PCGF5: variants seen among roughly 807,000 people sequenced by gnomAD.
PCGF5 encodes polycomb group ring finger 5, also known as polycomb group RING finger protein 5.
Under a neutral mutation model 44.3 loss-of-function variants are expected in PCGF5, and 9 were observed. The ratio of observed to expected loss-of-function variants is 0.20; its 90% CI spans 0.12 to 0.35. The LOEUF is 0.35. Among genes scored for constraint, PCGF5 ranks in the 10% least tolerant of loss-of-function variants. The probability of loss-of-function intolerance (pLI) is 1.00; values close to 1 mark genes in which losing one functional copy is unlikely to be tolerated. For synonymous variants in PCGF5, 95 were observed against 102.5 expected (o/e 0.93, Z 0.44); for missense variants, 146 against 305.3 (o/e 0.48, Z 3.89).
chr10:91,258,661 A>G (rs892810129), intron 6 of PCGF5, among the ~76,000 whole-genome samples: 5 of 152,178 alleles, frequency 3.3e-5, no homozygotes, highest in African/African-American at 1.2e-4. Context: ...AGGTGAACAG[A>G]TAACAGAGAA....
At chr10:91,271,883 A>G (rs1345475119) in intron 9 of PCGF5, among the ~76,000 whole-genome samples, 186 bp downstream of exon 9, 2 of 152,164 alleles carry the variant, frequency 1.3e-5, no homozygotes, top group African/African-American at 4.8e-5. Context: ...TATCTATTTA[A>G]TTTTACTGAA....
chr10:91,197,968 G>A (rs1389587419), intron 1 of PCGF5, among the ~76,000 whole-genome samples: 3 of 152,148 alleles, frequency 2.0e-5, no homozygotes, highest in Non-Finnish European at 4.4e-5. Flanking sequence ...TATCTACTAA[G>A]TGCCAGACAT....
At chr10:91,221,237 G>C (rs551779154) in intron 1 of PCGF5, among the ~76,000 whole-genome samples, 1 of 152,162 alleles carries the variant, frequency 6.6e-6, no homozygotes, top group Non-Finnish European at 1.5e-5. Context: ...TCCCTTAACT[G>C]TCTTGGTCAC....
rs376257372 is a variant in PCGF5 at position 91,262,626 on chromosome 10, CTTATTTGAAAAT to C, written c.573+1205_573+1216del. ...TTTTGAGGAAGCCGCTGATCCTGAG[CTTATTTGAAAAT>C]TTCTCTCAGATGACTAGTCTATGGG... On this transcript the variant is annotated intron_variant, in intron 7 of 9. Transcript: ENST00000336126. Among the ~76,000 whole-genome samples, 366 of 152,224 alleles carry C rather than the reference CTTATTTGAAAAT, an allele frequency of 2.4e-3. 1 individual carries two copies. The highest frequency in any genetic ancestry group is 8.5e-3 in the African/African-American group (352 of 41,534).
intron 1 of PCGF5, among the ~76,000 whole-genome samples, chr10:91,203,451 C>T (rs961463422): frequency 3.9e-5 from 6 of 152,114 alleles, no homozygotes; most frequent in Non-Finnish European, 8.8e-5. Flanking sequence ...AAGATAACCC[C>T]AAAGGTTATA....
chr10:91,274,046 T>A (rs571088891), intron 9 of PCGF5, among the ~76,000 whole-genome samples: 1 of 152,040 alleles, frequency 6.6e-6, no homozygotes, highest in East Asian at 1.9e-4. Context: ...TCAATTAACA[T>A]TTTGCCACAT....
upstream of PCGF5, among the ~76,000 whole-genome samples, chr10:91,162,502 G>A (rs190019368): frequency 1.5e-3 from 232 of 152,258 alleles, no homozygotes; most frequent in African/African-American, 5.4e-3. Context: ...GGGGGAGAAG[G>A]TGCCCCCTCA....
chr10:91,168,685 T>C (rs1445745331), intron 1 of PCGF5, among the ~76,000 whole-genome samples: 4 of 151,940 alleles, frequency 2.6e-5, no homozygotes, highest in Admixed American at 6.5e-5. Flanking sequence ...TCCCAGCACT[T>C]TGGGAGGCCG....
intron 6 of PCGF5, among the ~76,000 whole-genome samples, chr10:91,258,679 G>A (rs996495027): frequency 2.6e-5 from 4 of 152,126 alleles, no homozygotes; most frequent in African/African-American, 9.7e-5. Flanking sequence ...GAAGATAGAC[G>A]TGTACATTTA....
chr10:91,205,457 T>C (rs1017835661), intron 1 of PCGF5, among the ~76,000 whole-genome samples: 2 of 152,218 alleles, frequency 1.3e-5, no homozygotes, highest in Non-Finnish European at 2.9e-5. Flanking sequence ...ATTCCAGCGT[T>C]CATTCATAAA....
At chr10:91,218,067 G>A (rs776886204), upstream of PCGF5, among the ~76,000 whole-genome samples, 29 of 152,276 alleles carry the variant, frequency 1.9e-4, no homozygotes, top group East Asian at 3.9e-4. Flanking sequence ...GATTACAGGC[G>A]TGAGCCACCG....
At chr10:91,256,996 T>TAAA (rs1188500011) in intron 6 of PCGF5, among the ~76,000 whole-genome samples, 2 of 152,088 alleles carry the variant, frequency 1.3e-5, no homozygotes, top group Non-Finnish European at 1.5e-5. Context: ...GTAAAACTCT[T>TAAA]GTGTATCAAA....
chr10:91,168,694 C>T (rs1186005522), intron 1 of PCGF5, among the ~76,000 whole-genome samples: 3 of 151,892 alleles, frequency 2.0e-5, no homozygotes, highest in Non-Finnish European at 4.4e-5. Context: ...TTTGGGAGGC[C>T]GAGGTGGGCA....
intron 1 of PCGF5, among the ~76,000 whole-genome samples, chr10:91,164,586 AG>A (rs1351555949): frequency 1.1e-4 from 16 of 152,344 alleles, no homozygotes; most frequent in Non-Finnish European, 8.8e-5. Flanking sequence ...CCTTAAGACT[AG>A]TTTTTTGAGG....
chr10:91,190,327 G>T (rs574442838), intron 1 of PCGF5, among the ~76,000 whole-genome samples: 1 of 152,126 alleles, frequency 6.6e-6, no homozygotes, highest in African/African-American at 2.4e-5. Context: ...AATTTTGGGG[G>T]AATTCAAACA....
chr10:91,197,716 C>T (rs928361369), intron 1 of PCGF5, among the ~76,000 whole-genome samples: 2 of 152,152 alleles, frequency 1.3e-5, no homozygotes, highest in Non-Finnish European at 2.9e-5. Context: ...TGGACATCAT[C>T]CTCTCCCACC....
At chr10:91,178,261 A>G (rs912312846) in intron 1 of PCGF5, among the ~76,000 whole-genome samples, 23 of 152,200 alleles carry the variant, frequency 1.5e-4, no homozygotes, top group African/African-American at 4.6e-4. Context: ...ATAAATCAAG[A>G]CGGCAGTTTA....
rs73310453 is a variant in PCGF5 at position 91,212,651 on chromosome 10, C to A, written c.-183-10038C>A. Among the ~76,000 whole-genome samples the A allele has an allele frequency of 6.6e-3, 1,007 of 152,262 alleles. 16 individuals are homozygous for A. The highest frequency in any genetic ancestry group is 0.022 in the African/African-American group (934 of 41,566). On this transcript the variant is annotated intron_variant, in intron 1 of 9. Coordinates refer to the PCGF5 transcript ENST00000614189. ...AATATCCCTAGAAGAATTGTACAGC[C>A]TAACTTCTATAACGCATGCCCACTA...
At chr10:91,278,170 C>T in intron 9 of PCGF5, 99 bp from the exon 10 acceptor site, 1 of 998,558 alleles carries the variant, frequency 1.0e-6, no homozygotes, top group Non-Finnish European at 1.5e-6. Flanking sequence ...CCAGGAAATA[C>T]TGTAAATTAT....
Sources: gnomAD v4.1 joint callset for allele counts (sites outside exome capture counted in the v4.1 genomes callset) on GRCh38, gnomAD v4.1.1 for gene constraint, MANE v1.5 for transcripts, NCBI Gene and HGNC (gene_info 2026-07-23, HGNC 2026-07-21) for gene names.